Variants in TRERF1 observed in about 807,000 individuals in gnomAD.
TRERF1 encodes transcriptional-regulating factor 1.
TRERF1 carries 27 observed loss-of-function variants against 122.9 expected under a neutral mutation model. That is an observed-to-expected ratio of 0.22 (90% confidence interval 0.16 to 0.30). TRERF1 has a LOEUF of 0.30. Among genes scored for constraint, TRERF1 ranks in the 10% least tolerant of loss-of-function variants. The probability of loss-of-function intolerance (pLI) is 1.00; values close to 1 mark genes in which losing one functional copy is unlikely to be tolerated. For synonymous variants in TRERF1, 636 were observed against 641.7 expected (o/e 0.99, Z 0.13); for missense variants, 1,248 against 1,560.3 (o/e 0.80, Z 3.37).
intron 3 of TRERF1, among the ~76,000 whole-genome samples, chr6:42,333,205 A>G (rs1197807809): frequency 6.6e-6 from 1 of 152,248 alleles, no homozygotes. Flanking sequence ...TGATTAAAAT[A>G]ATCAGCAAAT....
chr6:42,359,209 C>T (rs1771224300), intron 3 of TRERF1, among the ~76,000 whole-genome samples: 1 of 152,130 alleles, frequency 6.6e-6, no homozygotes, highest in Non-Finnish European at 1.5e-5. Flanking sequence ...AGAGGTCAGC[C>T]CTGTGGCACC....
chr6:42,235,571 C>T (rs1426912585), intron 16 of TRERF1, among the ~76,000 whole-genome samples: 6 of 152,096 alleles, frequency 3.9e-5, no homozygotes, highest in African/African-American at 2.4e-5. Flanking sequence ...AAAGTAGTAG[C>T]CTCTGTATTT....
chr6:42,261,330 C>G (rs998405875), intron 8 of TRERF1, among the ~76,000 whole-genome samples: 1 of 152,196 alleles, frequency 6.6e-6, no homozygotes, highest in African/African-American at 2.4e-5. Context: ...TCCCTCTCCT[C>G]CAGCTTCTTG....
At chr6:42,436,493 T>A (rs1463290676) in intron 2 of TRERF1, among the ~76,000 whole-genome samples, 2 of 152,128 alleles carry the variant, frequency 1.3e-5, no homozygotes, top group African/African-American at 4.8e-5. Flanking sequence ...ATAGCTAATA[T>A]TTATTAAGAA....
chr6:42,439,682 G>A (rs150312345), intron 2 of TRERF1, among the ~76,000 whole-genome samples: 60 of 152,248 alleles, frequency 3.9e-4, no homozygotes, highest in African/African-American at 1.3e-3. Context: ...GTGAGGACCC[G>A]GTAAGAAGAT....
At chr6:42,352,467 T>C (rs1013863244) in intron 3 of TRERF1, among the ~76,000 whole-genome samples, 1 of 152,250 alleles carries the variant, frequency 6.6e-6, no homozygotes, top group African/African-American at 2.4e-5. Flanking sequence ...TCTTATTTGG[T>C]AACCAAAAAG....
chr6:42,263,465 G>C lies in TRERF1; in HGVS notation c.1739C>G (p.Thr580Arg), dbSNP rs757357611. The C allele has an allele frequency of 6.3e-7, 1 of 1,596,236 alleles. No homozygotes were observed. The highest frequency in any genetic ancestry group is 1.3e-5 in the African/African-American group (1 of 74,524). ...GACAGACACGGGCATGACCATAGGCGTGAGGCTTTCTGCCTCGGGAGGGAG... is the reference window on the plus strand; with the variant it reads ...GACAGACACGGGCATGACCATAGGCCTGAGGCTTTCTGCCTCGGGAGGGAG... The change falls in exon 8 of 18, where the codon ACG becomes AGG. Residue 580 changes from threonine to arginine, a missense_variant. Physicochemically the swap from Thr to Arg is moderately conservative, Grantham distance 71. This residue lies in a region of TRERF1 where 946 missense variants were observed against 1,073.0 expected (regional missense o/e 0.88). Transcript: ENST00000372922. This position sits in a 1 kb window ranked among gnomAD's most constrained non-coding sequence, Gnocchi z 5.6.
chr6:42,311,079 G>A (rs1788146280), intron 3 of TRERF1, among the ~76,000 whole-genome samples: 1 of 152,130 alleles, frequency 6.6e-6, no homozygotes, highest in Non-Finnish European at 1.5e-5. Context: ...TATATGTTGG[G>A]TACTCTTCTA....
At chr6:42,320,061 C>T (rs1183156341) in intron 3 of TRERF1, among the ~76,000 whole-genome samples, 1 of 151,788 alleles carries the variant, frequency 6.6e-6, no homozygotes, top group Admixed American at 6.6e-5. Flanking sequence ...ATCACTATGC[C>T]CAGCTAATTT....
intron 3 of TRERF1, among the ~76,000 whole-genome samples, chr6:42,349,197 A>C (rs1768923381): frequency 6.6e-6 from 1 of 152,082 alleles, no homozygotes; most frequent in African/African-American, 2.4e-5. Context: ...GTTTCAGGGG[A>C]GCACAGGGGC....
chr6:42,254,330 T>C (rs1225939016), intron 13 of TRERF1, among the ~76,000 whole-genome samples: 1 of 152,164 alleles, frequency 6.6e-6, no homozygotes, highest in Non-Finnish European at 1.5e-5. Flanking sequence ...ACAGTAAGTG[T>C]TCAAAAAATA....
intron 3 of TRERF1, among the ~76,000 whole-genome samples, chr6:42,325,530 T>C (rs1764145348): frequency 6.6e-6 from 1 of 152,020 alleles, no homozygotes; most frequent in East Asian, 1.9e-4. Flanking sequence ...GTGGACTGCA[T>C]AAAGAAAATG....
Position 42,268,656 on chromosome 6 carries a change from AGCTGCTGCGGCTGCTGCTGCTGTG to A in TRERF1, c.911_934del (p.Pro304_Gln311del). 6.2e-7 allele frequency: 1 copy of A among 1,614,002 alleles called. No individual in the cohort carries two copies. Among genetic ancestry groups the A allele is most frequent in the Non-Finnish European group, 8.5e-7 (1 of 1,179,960 alleles). ...TGAACCCTGCCGCTGCTGCAGCTGTAGCTGCTGCGGCTGCTGCTGCTGTGGCGGCGGCTGTGGCTGTGATGGGCG... is the reference window on the plus strand; with the variant it reads ...TGAACCCTGCCGCTGCTGCAGCTGTAGCGGCGGCTGTGGCTGTGATGGGCG... On this transcript the variant is annotated inframe_deletion, in exon 5 of 18. Coordinates refer to ENST00000372922, the Ensembl canonical transcript of TRERF1. The surrounding 1 kb of genome is among the most constrained non-coding windows in gnomAD (Gnocchi z 4.4).
intron 2 of TRERF1, among the ~76,000 whole-genome samples, chr6:42,381,835 C>G (rs1374601202): frequency 3.4e-5 from 5 of 148,292 alleles, no homozygotes; most frequent in Non-Finnish European, 7.4e-5. Context: ...GGGAGGCCAT[C>G]AGAGGCTCCC....
chr6:42,329,520 T>C (rs1479279352), intron 3 of TRERF1, among the ~76,000 whole-genome samples: 2 of 152,072 alleles, frequency 1.3e-5, no homozygotes, highest in African/African-American at 4.8e-5. Flanking sequence ...CCCAGAAGAA[T>C]TGTCCACTGT....
chr6:42,396,764 C>G (rs1778662006), intron 2 of TRERF1, among the ~76,000 whole-genome samples: 1 of 152,222 alleles, frequency 6.6e-6, no homozygotes, highest in Admixed American at 6.5e-5. Flanking sequence ...AACCCACAAA[C>G]TGTTTTCCTC....
At position 42,268,264 on chromosome 6, in the gene TRERF1, G is replaced by A. The variant is rs371552696; in HGVS notation, c.1327C>T (p.Arg443Trp). The A allele has an allele frequency of 5.4e-6, 8 of 1,492,580 alleles. No individual in the cohort carries two copies. In the East Asian group the frequency reaches 7.0e-5, roughly 13 times the overall value. 92.5% of individuals were successfully genotyped at this position (1,492,580 alleles called of 1,614,324 possible). A position where few individuals can be genotyped will look rare whatever the true frequency, so the allele number is the denominator to read the frequency against. ...CGATGGGGGAGGGTGCTGCTGACCC[G>A]GGTCAGATCTGAGCTCGCTGGGTCT... Residue 443 changes from arginine to tryptophan, a missense_variant, in exon 5 of 18, where the codon CGG becomes TGG. Physicochemically the swap from Arg to Trp is moderately radical, Grantham distance 101 (BLOSUM62 -3). Around this residue, in one of 5 missense-constraint regions of TRERF1, gnomAD observed 946 missense variants for 1,073.0 expected, o/e 0.88. Transcript: ENST00000372922. This position sits in a 1 kb window ranked among gnomAD's most constrained non-coding sequence, Gnocchi z 4.4.
chr6:42,242,279 C>T (rs1773894476), intron 15 of TRERF1, among the ~76,000 whole-genome samples: 1 of 152,148 alleles, frequency 6.6e-6, no homozygotes, highest in African/African-American at 2.4e-5. Context: ...TTTATAAAGT[C>T]CCTAACACAA....
rs114645173 is a variant in TRERF1, at chr6:42,443,874, G to A, written c.-454+7303C>T. Among the ~76,000 whole-genome samples, 1,514 of 152,298 alleles carry A rather than the reference G, an allele frequency of 9.9e-3. 28 individuals carry two copies. Among genetic ancestry groups the A allele is most frequent in the African/African-American group, 0.034 (1,427 of 41,566 alleles). On this transcript the variant is annotated intron_variant, in intron 2 of 17. Coordinates refer to ENST00000372922, the Ensembl canonical transcript of TRERF1. ...AGAAGACCTGGCTGAAGATCAAGTC[G>A]CCTCACTGCTGCCTCTGTTCTATGC...
Sources: gnomAD v4.1 joint callset for allele counts (sites outside exome capture counted in the v4.1 genomes callset) on GRCh38, gnomAD v4.1.1 for gene constraint, gnomAD v4.1.1 regional missense constraint, Gnocchi (gnomAD v3.1) non-coding constraint, MANE v1.5 for transcripts, NCBI Gene and HGNC (gene_info 2026-07-23, HGNC 2026-07-21) for gene names.